CD109: variants seen among roughly 807,000 people sequenced by gnomAD.
CD109 encodes CD109 antigen.
In CD109, 149 loss-of-function variants were observed where a neutral mutation model predicts 165.8. That is an observed-to-expected ratio of 0.90 (90% CI 0.79 to 1.03). The LOEUF is 1.03. Ranked by LOEUF, CD109 falls within the 50% of genes least tolerant of loss-of-function variation. CD109 has a pLI of 0.00. For synonymous variants in CD109, 585 were observed against 592.1 expected (o/e 0.99, Z 0.18); for missense variants, 1,712 against 1,677.8 (o/e 1.02, Z -0.36).
At chr6:73,758,038 C>T (rs1186763242) in intron 6 of CD109, among the ~76,000 whole-genome samples, 1 of 151,824 alleles carries the variant, frequency 6.6e-6, no homozygotes, top group East Asian at 1.9e-4. Context: ...TTTGGATTTT[C>T]TTGGTGGTGG....
rs774097620 is a variant in CD109, at chr6:73,823,665, C to G, written c.*32C>G. ...TTTAAAGGACTCTGTGTAACACTAA[C>G]ATTTCCAGTAGTCACATGTGATTGT... On this transcript the variant is annotated 3_prime_UTR_variant, in exon 33 of 33. Coordinates refer to ENST00000287097, the MANE Select transcript of CD109 (RefSeq NM_133493.5). 11 of 1,548,192 alleles carry G rather than the reference C, an allele frequency of 7.1e-6. No individual in the cohort carries two copies. The highest frequency in any genetic ancestry group is 9.7e-6 in the Non-Finnish European group (11 of 1,131,652).
chr6:73,733,316 T>C (rs1207557407), intron 4 of CD109, among the ~76,000 whole-genome samples: 1 of 152,182 alleles, frequency 6.6e-6, no homozygotes, highest in Non-Finnish European at 1.5e-5. Flanking sequence ...GGGGCCCATC[T>C]TGCCCAGCTA....
rs1483362992 is a variant in CD109 at position 73,758,931 on chromosome 6, T to C, written c.674-13T>C. ...AAAAGAAAAAAAGATTTACCCTTGC[T>C]TTTCTTTTCCAGTATTACCAAAATT... On this transcript the variant is annotated splice_polypyrimidine_tract_variant and intron_variant, in intron 6 of 32. Coordinates refer to ENST00000287097, the MANE Select transcript of CD109 (RefSeq NM_133493.5). The C allele has an allele frequency of 1.4e-6, 2 of 1,480,860 alleles. No homozygotes were observed. Among genetic ancestry groups the C allele is most frequent in the Admixed American group, 3.4e-5 (2 of 59,310 alleles). The allele number at this position is 1,480,860 out of a possible 1,614,324, so 91.7% of individuals were successfully genotyped here.
Position 73,811,108 on chromosome 6 carries a change from G to A in CD109, c.3663G>A (p.Leu1221=). 6.2e-7 allele frequency: 1 copy of A among 1,613,314 alleles called. No individual in the cohort carries two copies. Among genetic ancestry groups the A allele is most frequent in the Non-Finnish European group, 8.5e-7 (1 of 1,179,558 alleles). Residue 1221 remains leucine (L), a synonymous_variant, in exon 28 of 33, where the codon CTG becomes CTA. Transcript: ENST00000287097. ...GPSSPSPVKF[L]IDTHNRLLLQ... ...GCTCACCAAGTCCTGTAAAGTTTCT[G>A]ATTGACACACACAACCGCTTACTCC...
At position 73,766,848 on chromosome 6, in the gene CD109, T is replaced by C. The variant is rs754000133; in HGVS notation, c.1422T>C (p.Asp474=). Residue 474 remains aspartate, a synonymous_variant, in exon 12 of 33, where the codon GAT becomes GAC. Coordinates refer to ENST00000287097, the MANE Select transcript of CD109 (RefSeq NM_133493.5). Reference sequence around the variant, plus strand: ...CATACATCCAACTAAAAACAAGAGATGAAAATATAAAGGTAATGCTTACAA... The same window carrying C: ...CATACATCCAACTAAAAACAAGAGACGAAAATATAAAGGTAATGCTTACAA... The part of the protein sequence containing the change: ...SKTYIQLKTR[D]ENIKVGSPFE... 1 of 1,611,692 alleles carries C rather than the reference T, an allele frequency of 6.2e-7. No individual in the cohort carries two copies. The highest frequency in any genetic ancestry group is 8.5e-7 in the Non-Finnish European group (1 of 1,178,160).
Position 73,818,441 on chromosome 6 carries a change from G to T in CD109, c.3965G>T (p.Ser1322Ile). 1 of 1,613,838 alleles carries T rather than the reference G, an allele frequency of 6.2e-7. No homozygotes were observed. Reference protein sequence around the residue: ...GMALMEVNLLSGFMVPSEAIS... With the variant: ...GMALMEVNLLIGFMVPSEAIS... The stretch of plus-strand genomic sequence containing the variant: ...GCTCTTATGGAAGTTAACCTATTAA[G>T]TGGCTTTATGGTGCCTTCAGAAGCA... Residue 1322 changes from serine to isoleucine, a missense_variant, in exon 31 of 33, where the codon AGT becomes ATT. Ser to Ile is a moderately radical substitution (Grantham distance 142). Transcript: ENST00000287097.
intron 18 of CD109, among the ~76,000 whole-genome samples, chr6:73,783,272 T>C (rs943653556): frequency 1.4e-4 from 21 of 152,216 alleles, no homozygotes; most frequent in Non-Finnish European, 2.9e-4. Flanking sequence ...TAGTATTTTA[T>C]AGTCAGCTGT....
intron 2 of CD109, among the ~76,000 whole-genome samples, chr6:73,704,369 G>C (rs1771189632): frequency 6.6e-6 from 1 of 152,114 alleles, no homozygotes; most frequent in Non-Finnish European, 1.5e-5. Flanking sequence ...CGGAGGGAAG[G>C]CTCCTCGTGG....
intron 15 of CD109, among the ~76,000 whole-genome samples, chr6:73,773,582 T>C (rs982322325): frequency 2.6e-5 from 4 of 152,190 alleles, no homozygotes; most frequent in African/African-American, 9.6e-5. Context: ...TTTGTTACTC[T>C]GTTAGTTACA....
At chr6:73,759,827 A>G (rs191551203) in intron 7 of CD109, among the ~76,000 whole-genome samples, 1 of 152,148 alleles carries the variant, frequency 6.6e-6, no homozygotes, top group African/African-American at 2.4e-5. Context: ...TTTGATGCTC[A>G]GGTTGCTAAC....
intron 5 of CD109, among the ~76,000 whole-genome samples, chr6:73,738,396 G>T (rs1316814700): frequency 6.6e-6 from 1 of 152,206 alleles, no homozygotes; most frequent in Non-Finnish European, 1.5e-5. Flanking sequence ...CTGGGTCAAG[G>T]TGTCCATTTT....
chr6:73,690,987 C>A (rs117188418), upstream of CD109, among the ~76,000 whole-genome samples: 211 of 152,168 alleles, frequency 1.4e-3, 1 homozygote, highest in Non-Finnish European at 2.1e-3. Context: ...CTCTACCTGA[C>A]CTCTCACCCC....
chr6:73,794,197 T>C (rs1775073581), intron 23 of CD109, among the ~76,000 whole-genome samples: 2 of 152,196 alleles, frequency 1.3e-5, no homozygotes, highest in Non-Finnish European at 2.9e-5. Context: ...TGTCCTATTA[T>C]TATTTCCATT....
chr6:73,711,466 GT>G (rs959633698), intron 2 of CD109, among the ~76,000 whole-genome samples: 7 of 151,342 alleles, frequency 4.6e-5, no homozygotes, highest in African/African-American at 1.7e-4. Context: ...TTACCCAATA[GT>G]TTTTTTGCCT....
chr6:73,691,815 T>C (rs1472921604), upstream of CD109, among the ~76,000 whole-genome samples: 1 of 152,210 alleles, frequency 6.6e-6, no homozygotes, highest in Non-Finnish European at 1.5e-5. Flanking sequence ...TACTCTGTTC[T>C]TGCATTGCTA....
intron 3 of CD109, among the ~76,000 whole-genome samples, 184 bp from the exon 4 acceptor site, chr6:73,730,160 G>A (rs187371134): frequency 6.6e-6 from 1 of 152,336 alleles, no homozygotes. Context: ...TAACTGGAGA[G>A]CAAACTGCAG....
chr6:73,816,505 C>T (rs1443237706), intron 30 of CD109, among the ~76,000 whole-genome samples: 3 of 152,178 alleles, frequency 2.0e-5, no homozygotes, highest in East Asian at 1.9e-4. Flanking sequence ...CTGCGTTGGC[C>T]TCCCAAAGTG....
chr6:73,707,122 G>A lies in CD109; in HGVS notation c.247+9550G>A, dbSNP rs563231285. On this transcript the variant is annotated intron_variant, in intron 2 of 32. Transcript: ENST00000287097. ...CCACGTTGATTATAGAGGCTTGTTCGGGTGCCGTGTTGACAGTTTCAAAGT... is the reference window on the plus strand; with the variant it reads ...CCACGTTGATTATAGAGGCTTGTTCAGGTGCCGTGTTGACAGTTTCAAAGT... Among the ~76,000 whole-genome samples, 30 of 152,266 alleles carry A rather than the reference G, an allele frequency of 2.0e-4. 1 individual carries two copies. In the South Asian group the frequency reaches 4.4e-3, roughly 22 times the overall value.
At chr6:73,769,775 G>C (rs866537661) in intron 14 of CD109, among the ~76,000 whole-genome samples, 6 of 152,174 alleles carry the variant, frequency 3.9e-5, no homozygotes, top group Admixed American at 1.3e-4. Context: ...TATAGAGTGA[G>C]AAGTACAAGG....
Sources: allele counts gnomAD v4.1 joint callset (sites outside exome capture counted in the v4.1 genomes callset), GRCh38; gene constraint gnomAD v4.1.1; transcripts MANE v1.5; gene names NCBI Gene and HGNC (gene_info 2026-07-23, HGNC 2026-07-21).